PAK5: variants seen among roughly 807,000 people sequenced by gnomAD.
PAK5 encodes the protein serine/threonine-protein kinase PAK 5.
Under a neutral mutation model 65.9 loss-of-function variants are expected in PAK5, and 16 were observed. That is an observed-to-expected ratio of 0.24 (90% CI 0.16 to 0.37). The LOEUF (loss-of-function observed/expected upper bound fraction) is 0.37, where lower values mean the gene tolerates loss of function less well. Ranked by LOEUF, PAK5 falls within the 10% of genes least tolerant of loss-of-function variation. PAK5 has a pLI of 1.00. For missense variants in PAK5, 785 were observed against 903.9 expected (o/e 0.87, Z 1.69); for synonymous variants, 371 against 354.9 (o/e 1.05, Z -0.51).
Position 9,817,104 on chromosome 20 carries a change from A to G in PAK5, c.-162+21658T>C, listed in dbSNP as rs1250876880. ...TGAGTCCAGGCTGGGCAACATAGTG[A>G]GATCCTGTCTCTAAAACTAACTACA... On this transcript the variant is annotated intron_variant, in intron 1 of 9. Coordinates refer to ENST00000353224, the MANE Select transcript of PAK5 (RefSeq NM_177990.4). 2.0e-5 allele frequency among the ~76,000 whole-genome samples: 3 copies of G among 152,154 alleles called. No homozygotes were observed. The East Asian group carries it at 5.8e-4, about 29-fold the overall frequency.
chr20:9,768,821 G>A (rs75705778), intron 1 of PAK5, among the ~76,000 whole-genome samples: 3,077 of 97,188 alleles, frequency 0.032, 1 homozygote, highest in Admixed American at 0.033. Context: ...GGGAAAGAAA[G>A]AAAAAAAAAA....
chr20:9,669,787 T>C (rs6086980), intron 2 of PAK5, among the ~76,000 whole-genome samples: 22,565 of 152,134 alleles, frequency 0.15, 2,179 homozygotes, highest in South Asian at 0.37. Flanking sequence ...TTATTATTAT[T>C]ATACTTTAAG....
chr20:9,791,507 G>A (rs1202520423), intron 1 of PAK5, among the ~76,000 whole-genome samples: 4 of 152,014 alleles, frequency 2.6e-5, no homozygotes, highest in African/African-American at 4.8e-5. Flanking sequence ...ACCTATATAA[G>A]ACTTCCAAGT....
At chr20:9,711,774 C>A (rs947473525) in intron 1 of PAK5, among the ~76,000 whole-genome samples, 9 of 152,134 alleles carry the variant, frequency 5.9e-5, no homozygotes, top group African/African-American at 1.9e-4. Flanking sequence ...TGGGACCTAG[C>A]CCACTACCTG....
intron 3 of PAK5, among the ~76,000 whole-genome samples, chr20:9,618,162 C>T (rs1023627915): frequency 7.9e-5 from 12 of 152,060 alleles, no homozygotes; most frequent in African/African-American, 2.7e-4. Context: ...GAACATACAG[C>T]GCTGGGCGAC....
intron 3 of PAK5, among the ~76,000 whole-genome samples, chr20:9,593,813 T>G (rs979206192): frequency 1.3e-5 from 2 of 152,138 alleles, no homozygotes; most frequent in African/African-American, 4.8e-5. Context: ...AGGATCTCTC[T>G]CTCTCTCTCT....
At chr20:9,783,223 A>G (rs1031129065) in intron 1 of PAK5, among the ~76,000 whole-genome samples, 1 of 152,162 alleles carries the variant, frequency 6.6e-6, no homozygotes, top group Non-Finnish European at 1.5e-5. Flanking sequence ...GGAGTGAGCC[A>G]CCGCACCCAG....
intron 2 of PAK5, among the ~76,000 whole-genome samples, chr20:9,664,524 C>T (rs2047387320): frequency 6.6e-6 from 1 of 152,152 alleles, no homozygotes; most frequent in Non-Finnish European, 1.5e-5. Context: ...TATTTATCTA[C>T]CCAGACACAA....
intron 1 of PAK5, among the ~76,000 whole-genome samples, chr20:9,827,794 G>T (rs189942814): frequency 6.7e-6 from 1 of 149,840 alleles, no homozygotes. Flanking sequence ...CAGGGAAGGG[G>T]GCACATGCAA....
chr20:9,603,625 A>G (rs971852867), intron 3 of PAK5, among the ~76,000 whole-genome samples: 2 of 152,206 alleles, frequency 1.3e-5, no homozygotes, highest in Non-Finnish European at 2.9e-5. Flanking sequence ...ATCCTCACCC[A>G]TGATAGGGCT....
At chr20:9,788,307 G>T (rs1306858395) in intron 1 of PAK5, among the ~76,000 whole-genome samples, 1 of 151,810 alleles carries the variant, frequency 6.6e-6, no homozygotes, top group African/African-American at 2.4e-5. Context: ...TAGATGCCTG[G>T]TCTCTTTATT....
chr20:9,733,904 A>G (rs1405423155), intron 1 of PAK5, among the ~76,000 whole-genome samples: 1 of 152,252 alleles, frequency 6.6e-6, no homozygotes, highest in Non-Finnish European at 1.5e-5. Context: ...GTAAAAATAA[A>G]AATTAAAAAT....
At chr20:9,699,232 G>A (rs1170982038) in intron 2 of PAK5, among the ~76,000 whole-genome samples, 2 of 152,056 alleles carry the variant, frequency 1.3e-5, no homozygotes, top group Non-Finnish European at 2.9e-5. Context: ...CTAGCTTAAG[G>A]GCTCAGTGAA....
intron 2 of PAK5, among the ~76,000 whole-genome samples, chr20:9,646,853 C>G (rs2047141514): frequency 6.6e-6 from 1 of 152,178 alleles, no homozygotes; most frequent in Admixed American, 6.5e-5. Context: ...TTACCTGTCT[C>G]CCCAGCCAGC....
intron 1 of PAK5, among the ~76,000 whole-genome samples, chr20:9,835,555 C>A (rs1979082049): frequency 6.6e-6 from 1 of 152,092 alleles, no homozygotes; most frequent in Non-Finnish European, 1.5e-5. Context: ...CTGACATTAT[C>A]CTCTCTGCTC....
intron 2 of PAK5, among the ~76,000 whole-genome samples, chr20:9,703,775 C>T (rs568494535): frequency 1.3e-5 from 2 of 152,192 alleles, no homozygotes; most frequent in South Asian, 4.2e-4. Flanking sequence ...ACAAGGTCCA[C>T]TCCCGGGTGG....
At chr20:9,627,428 A>C (rs1323812871) in intron 3 of PAK5, among the ~76,000 whole-genome samples, 1 of 152,132 alleles carries the variant, frequency 6.6e-6, no homozygotes, top group Admixed American at 6.5e-5. Flanking sequence ...AGGGCTGCTA[A>C]TGTCAGATGC....
chr20:9,560,261 G>GA (rs2045572185), intron 6 of PAK5, among the ~76,000 whole-genome samples: 1 of 152,116 alleles, frequency 6.6e-6, no homozygotes. Flanking sequence ...TTTCCTATAG[G>GA]AAAAAAGCTT....
intron 3 of PAK5, among the ~76,000 whole-genome samples, chr20:9,622,800 C>A: frequency 6.6e-6 from 1 of 152,216 alleles, no homozygotes; most frequent in Non-Finnish European, 1.5e-5. Context: ...GCACCCCTGT[C>A]TGTGGAAAAA....
Sources: gnomAD v4.1 joint callset for allele counts (sites outside exome capture counted in the v4.1 genomes callset) on GRCh38, gnomAD v4.1.1 for gene constraint, MANE v1.5 for transcripts, NCBI Gene and HGNC (gene_info 2026-07-23, HGNC 2026-07-21) for gene names.